The following POLR2B variants were observed in gnomAD, a reference collection of about 807,000 sequenced individuals.
The protein encoded by POLR2B is RNA polymerase II subunit B.
In POLR2B, 57 loss-of-function variants were observed where a neutral mutation model predicts 144.6. That is an observed-to-expected ratio of 0.39 (90% CI 0.32 to 0.49). The LOEUF (loss-of-function observed/expected upper bound fraction) is 0.49. Ranked by LOEUF, POLR2B falls within the 20% of genes least tolerant of loss-of-function variation. The pLI is 0.83. For synonymous variants in POLR2B, 442 were observed against 469.8 expected, an observed-to-expected ratio of 0.94 and a Z score of 0.77; for missense variants, 595 against 1,467.4, an observed-to-expected ratio of 0.41 and a Z score of 9.71.
chr4:57,014,314 C>T (rs1424649179), intron 13 of POLR2B, among the ~76,000 whole-genome samples: 7 of 150,986 alleles, frequency 4.6e-5, no homozygotes. Flanking sequence ...TTACCTCAGC[C>T]TCCTGAGGGG....
intron 17 of POLR2B, among the ~76,000 whole-genome samples, chr4:57,021,487 T>TTC (rs1553912045): frequency 6.9e-6 from 1 of 143,924 alleles, no homozygotes; most frequent in Non-Finnish European, 1.5e-5. Flanking sequence ...TGTAAAAACT[T>TTC]TTTTTTTTTT....
intron 10 of POLR2B, among the ~76,000 whole-genome samples, chr4:57,007,915 C>T (rs776135976): frequency 3.1e-4 from 47 of 152,122 alleles, no homozygotes; most frequent in Admixed American, 7.9e-4. Flanking sequence ...ATTTGGCATT[C>T]GGACACCAAT....
In POLR2B at chr4:57,023,318, A is replaced by C. The variant is rs752565215; in HGVS notation, c.2516-12A>C. On this transcript the variant is annotated splice_polypyrimidine_tract_variant and intron_variant, in intron 18 of 24. Coordinates refer to ENST00000314595, the MANE Select transcript of POLR2B (RefSeq NM_000938.3). This position sits in a 1 kb window ranked among gnomAD's most constrained non-coding sequence, Gnocchi z 4.3. Reference sequence around the variant, plus strand: ...GGGGATTATGTGACATTCCGTGTCTATTTCCTCACAGGCATGAGGCATGCC... The same window carrying C: ...GGGGATTATGTGACATTCCGTGTCTCTTTCCTCACAGGCATGAGGCATGCC... 2.5e-6 allele frequency: 4 copies of C among 1,613,190 alleles called. No individual in the cohort carries two copies. The highest frequency in any genetic ancestry group is 3.4e-6 in the Non-Finnish European group (4 of 1,179,390).
At chr4:57,029,400 C>T (rs138713824) in intron 23 of POLR2B, among the ~76,000 whole-genome samples, 135 of 152,052 alleles carry the variant, frequency 8.9e-4, no homozygotes, top group Middle Eastern at 3.4e-3. Context: ...TTTTATTTAC[C>T]AGTTTTCAAA....
chr4:57,004,871 A>G (rs1314059244), intron 7 of POLR2B, among the ~76,000 whole-genome samples: 2 of 152,000 alleles, frequency 1.3e-5, no homozygotes, highest in Non-Finnish European at 2.9e-5. Flanking sequence ...TTTAGTAGAG[A>G]TGGGGGTTTC....
chr4:56,995,203 A>G lies in POLR2B; in HGVS notation c.577-48A>G, dbSNP rs756895280. The stretch of plus-strand genomic sequence containing the variant: ...GCAGATTTTACTCTCTTTTCTCTTC[A>G]GTGATGTTTTGGATTTTATGGCTGT... On this transcript the variant is annotated intron_variant, in intron 5 of 24. Coordinates refer to ENST00000314595, the MANE Select transcript of POLR2B (RefSeq NM_000938.3). The G allele has an allele frequency of 7.1e-6, 10 of 1,398,804 alleles. No individual in the cohort carries two copies. In the South Asian group the frequency reaches 1.3e-4, roughly 18 times the overall value. The allele number at this position is 1,398,804 out of a possible 1,614,324, so 86.6% of individuals were successfully genotyped here. A position where few individuals can be genotyped will look rare whatever the true frequency, so the allele number is the denominator to read the frequency against.
intron 8 of POLR2B, 28 bp from the exon 9 acceptor site, chr4:57,005,568 CTCTT>C (rs200071944): frequency 7.3e-4 from 1,116 of 1,525,314 alleles, no homozygotes; most frequent in African/African-American, 1.3e-3. Flanking sequence ...AGTGTTTTCC[CTCTT>C]TCTTTCTTTC....
At chr4:56,995,761 C>T (rs76957112) in intron 6 of POLR2B, among the ~76,000 whole-genome samples, 3,129 of 152,278 alleles carry the variant, frequency 0.021, 110 homozygotes, top group African/African-American at 0.072. Flanking sequence ...GGTCTTTGCT[C>T]GCTGTTGGCT....
At chr4:56,980,278 G>A (rs1351125286) in intron 1 of POLR2B, among the ~76,000 whole-genome samples, 1 of 151,806 alleles carries the variant, frequency 6.6e-6, no homozygotes, top group Non-Finnish European at 1.5e-5. Context: ...TATATCTTGT[G>A]TTGTAGAAAT....
At chr4:57,019,608 G>A (rs1038068089) in intron 16 of POLR2B, among the ~76,000 whole-genome samples, 4 of 152,102 alleles carry the variant, frequency 2.6e-5, no homozygotes, top group Admixed American at 1.3e-4. Flanking sequence ...TAAGTTGCAG[G>A]CATGAAGCCA....
chr4:57,007,094 TTTTC>T (rs1450787391), intron 10 of POLR2B, 92 bp downstream of exon 10: 3 of 985,338 alleles, frequency 3.0e-6, no homozygotes, highest in Non-Finnish European at 4.5e-6. Context: ...ATTATTTTGC[TTTTC>T]TTTCTTGGTC....
intron 6 of POLR2B, among the ~76,000 whole-genome samples, chr4:56,995,808 G>A (rs2109664005): frequency 6.6e-6 from 1 of 152,356 alleles, no homozygotes; most frequent in East Asian, 1.9e-4. Flanking sequence ...GTGGGCCTCT[G>A]CGTATAGCAG....
At chr4:57,010,212 T>C in intron 10 of POLR2B, 149 bp from the exon 11 acceptor site, 1 of 668,962 alleles carries the variant, frequency 1.5e-6, no homozygotes, top group Non-Finnish European at 2.5e-6. Flanking sequence ...TAAGTTAAAG[T>C]GTCAAACAAC....
At chr4:56,985,367 C>T (rs1041548418) in intron 1 of POLR2B, 298 of 985,248 alleles carry the variant, frequency 3.0e-4, no homozygotes, top group Non-Finnish European at 3.5e-4. Flanking sequence ...CGGTGGTAGC[C>T]GCGAGGGACG....
intron 7 of POLR2B, among the ~76,000 whole-genome samples, chr4:57,004,548 T>C (rs1463165000): frequency 1.3e-5 from 2 of 152,156 alleles, no homozygotes; most frequent in Non-Finnish European, 2.9e-5. Context: ...CATTTTTTAA[T>C]ACCAAAACTG....
intron 3 of POLR2B, among the ~76,000 whole-genome samples, chr4:56,992,000 G>GA (rs1312324383): frequency 6.6e-6 from 1 of 152,080 alleles, no homozygotes. Context: ...TAACAAGCCA[G>GA]ATAACAATAT....
intron 7 of POLR2B, among the ~76,000 whole-genome samples, chr4:57,001,116 G>T (rs1722838435): frequency 6.6e-6 from 1 of 152,172 alleles, no homozygotes; most frequent in Admixed American, 6.5e-5. Flanking sequence ...GTTCAATTCA[G>T]AATAACGCAT....
chr4:56,997,526 G>T (rs1722726208), intron 6 of POLR2B, among the ~76,000 whole-genome samples: 1 of 152,224 alleles, frequency 6.6e-6, no homozygotes, highest in African/African-American at 2.4e-5. Context: ...CAAAGTGCTG[G>T]CATGAGCCAC....
chr4:57,027,093 C>T (rs1723747781), intron 23 of POLR2B, among the ~76,000 whole-genome samples: 1 of 152,108 alleles, frequency 6.6e-6, no homozygotes, highest in African/African-American at 2.4e-5. Context: ...ACGGCAACCT[C>T]CGCCTCCCGG....
Sources: allele counts gnomAD v4.1 joint callset (sites outside exome capture counted in the v4.1 genomes callset), GRCh38; gene constraint gnomAD v4.1.1; non-coding constraint Gnocchi (gnomAD v3.1); transcripts MANE v1.5; gene names NCBI Gene and HGNC (gene_info 2026-07-23, HGNC 2026-07-21).